Variants in GRIA1 observed in about 807,000 individuals in gnomAD.
GRIA1 encodes glutamate ionotropic receptor AMPA type subunit 1, also known as glutamate receptor 1.
Under a neutral mutation model 99.2 loss-of-function variants are expected in GRIA1, and 31 were observed. That is an observed-to-expected ratio of 0.31 (90% CI 0.23 to 0.42). GRIA1 has a LOEUF of 0.42. Among genes scored for constraint, GRIA1 ranks in the 10% least tolerant of loss-of-function variants. The pLI, the probability that GRIA1 is intolerant of heterozygous loss-of-function variation, is 1.00. For missense variants in GRIA1, 782 were observed against 1,157.5 expected (o/e 0.68, Z 4.71); for synonymous variants, 438 against 432.4 (o/e 1.01, Z -0.16).
At chr5:153,518,629 C>T (rs1038238316) in intron 2 of GRIA1, among the ~76,000 whole-genome samples, 4 of 152,182 alleles carry the variant, frequency 2.6e-5, no homozygotes, top group African/African-American at 9.7e-5. Flanking sequence ...CATGTGTATA[C>T]ATGTACAATA....
At chr5:153,808,932 A>C (rs1354102321) in intron 15 of GRIA1, among the ~76,000 whole-genome samples, 1 of 152,222 alleles carries the variant, frequency 6.6e-6, no homozygotes, top group African/African-American at 2.4e-5. Flanking sequence ...AGACTTTGGC[A>C]AGCACCAATG....
chr5:153,805,893 G>A (rs1040261803), intron 15 of GRIA1, among the ~76,000 whole-genome samples: 8 of 152,086 alleles, frequency 5.3e-5, no homozygotes, highest in East Asian at 1.9e-4. Context: ...AATTAATTCC[G>A]TTGATTGGTG....
intron 14 of GRIA1, among the ~76,000 whole-genome samples, chr5:153,801,816 T>C (rs1384518150): frequency 6.6e-6 from 1 of 152,092 alleles, no homozygotes; most frequent in Non-Finnish European, 1.5e-5. Flanking sequence ...ATATATACAA[T>C]AACTGTCTTA....
chr5:153,592,306 C>T (rs1029868932), intron 2 of GRIA1, among the ~76,000 whole-genome samples: 22 of 152,156 alleles, frequency 1.4e-4, no homozygotes, highest in Admixed American at 1.4e-3. Flanking sequence ...TGCCAAGGGG[C>T]CTGACAGCAT....
intron 11 of GRIA1, among the ~76,000 whole-genome samples, chr5:153,727,963 C>T (rs1049142103): frequency 1.1e-4 from 17 of 151,356 alleles, no homozygotes; most frequent in South Asian, 2.1e-4. Flanking sequence ...GGAGGCATCA[C>T]GCTACCTGAC....
At chr5:153,667,826 G>A (rs1207399230) in intron 5 of GRIA1, among the ~76,000 whole-genome samples, 2 of 152,200 alleles carry the variant, frequency 1.3e-5, no homozygotes, top group African/African-American at 4.8e-5. Context: ...ATGAAAGCAT[G>A]TCCAATGTAG....
intron 11 of GRIA1, among the ~76,000 whole-genome samples, chr5:153,754,454 A>AAAC (rs201682146): frequency 0.024 from 3,695 of 152,064 alleles, 59 homozygotes; most frequent in African/African-American, 0.057. Context: ...AGGCTGCTAT[A>AAAC]AACAACAACA....
At chr5:153,721,154 G>A (rs539483821) in intron 11 of GRIA1, among the ~76,000 whole-genome samples, 22 of 152,106 alleles carry the variant, frequency 1.4e-4, no homozygotes, top group African/African-American at 5.1e-4. Flanking sequence ...ACTCAGACAG[G>A]GAAAAGGGAA....
intron 2 of GRIA1, among the ~76,000 whole-genome samples, chr5:153,578,148 C>CAAAAAAAAAAAAAAAAAA (rs60901793): frequency 1.2e-4 from 8 of 69,318 alleles, no homozygotes; most frequent in Non-Finnish European, 1.5e-4. Flanking sequence ...GAGACTCTGT[C>CAAAAAAAAAAAAAAAAAA]AAAAAAAAAA....
intron 5 of GRIA1, among the ~76,000 whole-genome samples, chr5:153,656,887 C>A (rs576110871): frequency 6.6e-6 from 1 of 152,248 alleles, no homozygotes; most frequent in Non-Finnish European, 1.5e-5. Context: ...CCCTAGGCAA[C>A]CATTAATTTA....
intron 13 of GRIA1, among the ~76,000 whole-genome samples, chr5:153,777,012 A>G (rs895557508): frequency 2.6e-5 from 4 of 152,198 alleles, no homozygotes; most frequent in Non-Finnish European, 4.4e-5. Flanking sequence ...ACAAATAAGC[A>G]AGTGCTTTTT....
chr5:153,737,290 TAAAA>T (rs35443126), intron 11 of GRIA1, among the ~76,000 whole-genome samples: 6 of 74,068 alleles, frequency 8.1e-5, no homozygotes, highest in Non-Finnish European at 1.3e-4. Flanking sequence ...GCAACCCCGG[TAAAA>T]AAAAAAAAAA....
intron 11 of GRIA1, among the ~76,000 whole-genome samples, chr5:153,759,109 A>C (rs1581607816): frequency 6.6e-6 from 1 of 151,676 alleles, no homozygotes. Flanking sequence ...AGAAATAAAT[A>C]CCTATGTCAA....
chr5:153,647,630 T>A (rs1039962077), intron 3 of GRIA1, among the ~76,000 whole-genome samples: 7 of 152,202 alleles, frequency 4.6e-5, no homozygotes, highest in African/African-American at 1.7e-4. Context: ...TTTGTGAAAC[T>A]GAATGAGATG....
chr5:153,769,215 C>T (rs1310676320), intron 12 of GRIA1, among the ~76,000 whole-genome samples: 5 of 152,136 alleles, frequency 3.3e-5, no homozygotes, highest in Non-Finnish European at 5.9e-5. Context: ...GAGGACCATA[C>T]AGGCCATACA....
intron 2 of GRIA1, among the ~76,000 whole-genome samples, chr5:153,613,344 C>T (rs775140239): frequency 6.6e-6 from 1 of 151,886 alleles, no homozygotes; most frequent in African/African-American, 2.4e-5. Context: ...CATTTTTTCC[C>T]CTCTCTATCA....
chr5:153,509,061 G>A (rs936997254), intron 2 of GRIA1, among the ~76,000 whole-genome samples: 2 of 152,194 alleles, frequency 1.3e-5, no homozygotes, highest in African/African-American at 4.8e-5. Flanking sequence ...AGCAAGGTAT[G>A]CAGCTAAACC....
chr5:153,670,698 A>G (rs1756099521), intron 5 of GRIA1, among the ~76,000 whole-genome samples: 1 of 152,190 alleles, frequency 6.6e-6, no homozygotes, highest in East Asian at 1.9e-4. Context: ...ATGGCAAAGA[A>G]AATTAGAAAA....
chr5:153,775,903 G>GA (rs35697272), intron 13 of GRIA1, among the ~76,000 whole-genome samples: 117 of 149,684 alleles, frequency 7.8e-4, no homozygotes, highest in African/African-American at 2.3e-3. Flanking sequence ...TGCAGAAACG[G>GA]AAAAAAAAAA....
Sources: allele counts gnomAD v4.1 joint callset (sites outside exome capture counted in the v4.1 genomes callset), GRCh38; gene constraint gnomAD v4.1.1; transcripts MANE v1.5; gene names NCBI Gene and HGNC (gene_info 2026-07-23, HGNC 2026-07-21).